Variants in P2RX5 observed in about 807,000 individuals in gnomAD.
P2RX5 encodes the protein purinergic receptor P2X 5, also known as P2X purinoceptor 5.
Under a neutral mutation model 54.1 loss-of-function variants are expected in P2RX5, and 46 were observed. That is an observed-to-expected ratio of 0.85 (90% CI 0.67 to 1.09). The LOEUF (loss-of-function observed/expected upper bound fraction) is 1.09, where lower values mean the gene tolerates loss of function less well. P2RX5 is among the 50% of genes least tolerant of loss of function. P2RX5 has a pLI of 0.00. For synonymous variants in P2RX5, 226 were observed against 226.4 expected (o/e 1.00, Z 0.02); for missense variants, 566 against 549.8 (o/e 1.03, Z -0.29).
rs543089239 is a variant in P2RX5, at chr17:3,676,266, A to T, written c.1260-2389T>A. 5 of 985,294 alleles carry T rather than the reference A, an allele frequency of 5.1e-6. No homozygotes were observed. In the African/African-American group the frequency reaches 8.7e-5, roughly 17 times the overall value. The allele number at this position is 985,294 out of a possible 1,614,324, so 61.0% of individuals were successfully genotyped here. On this transcript the variant is annotated intron_variant, in intron 11 of 11. Coordinates refer to ENST00000225328, the MANE Select transcript of P2RX5 (RefSeq NM_002561.4). ...CAAGCCCAACATCGAAACGTACTTC[A>T]TGTCCATTTTTGACAGGGGAGACTG...
the P2RX5 span, among the ~76,000 whole-genome samples, chr17:3,709,253 T>C: frequency 1.3e-5 from 2 of 152,148 alleles, no homozygotes; most frequent in Non-Finnish European, 2.9e-5. Context: ...AGATACACGT[T>C]AAACCAGGTC....
chr17:3,690,628 C>T lies in P2RX5; in HGVS notation c.413G>A (p.Gly138Glu). 6.2e-7 allele frequency: 1 copy of T among 1,613,586 alleles called. No individual in the cohort carries two copies. Reference protein sequence around the residue: ...ACSKDSDCHAGEAVTAGNGVK... With the variant: ...ACSKDSDCHAEEAVTAGNGVK... ...ACCGTTTCCAGCTGTAACCGCTTCC[C>T]CAGCGTGGCAGTCGCTGTCCTTGGA... The change falls in exon 4 of 12, where the codon GGG becomes GAG. Residue 138 changes from glycine to glutamate, a missense_variant. Gly to Glu is a moderately conservative substitution (Grantham distance 98). Coordinates refer to ENST00000225328, the MANE Select transcript of P2RX5 (RefSeq NM_002561.4).
chr17:3,712,829 G>C, the P2RX5 span, among the ~76,000 whole-genome samples: 1 of 152,102 alleles, frequency 6.6e-6, no homozygotes, highest in East Asian at 1.9e-4. Context: ...TGTAGTCCCA[G>C]CTACTCGGGA....
chr17:3,678,067 C>T, intron 11 of P2RX5: 1 of 985,394 alleles, frequency 1.0e-6, no homozygotes, highest in Non-Finnish European at 1.2e-6. Context: ...TGGTAGCCAG[C>T]AGCCCTGGCT....
At chr17:3,712,306 C>T in the P2RX5 span, among the ~76,000 whole-genome samples, 1 of 152,130 alleles carries the variant, frequency 6.6e-6, no homozygotes, top group Non-Finnish European at 1.5e-5. Flanking sequence ...GGAATCAGAT[C>T]AACAGGGAAG....
At chr17:3,700,532 CG>C (rs1233662624), upstream of P2RX5, among the ~76,000 whole-genome samples, 5 of 104,668 alleles carry the variant, frequency 4.8e-5, no homozygotes, top group Non-Finnish European at 1.1e-4. Flanking sequence ...GACTCTGGCT[CG>C]AAAAAAAAAA....
chr17:3,716,299 CAG>C, the P2RX5 span, among the ~76,000 whole-genome samples: 1 of 152,142 alleles, frequency 6.6e-6, no homozygotes, highest in African/African-American at 2.4e-5. Context: ...AAGATTTCAA[CAG>C]GGGAACAACA....
At chr17:3,698,480 G>C (rs1303347633), upstream of P2RX5, among the ~76,000 whole-genome samples, 1 of 152,180 alleles carries the variant, frequency 6.6e-6, no homozygotes, top group African/African-American at 2.4e-5. Flanking sequence ...CATTTTTCTG[G>C]GGTGATTAGG....
the P2RX5 span, among the ~76,000 whole-genome samples, chr17:3,722,689 G>A: frequency 5.3e-5 from 8 of 152,178 alleles, no homozygotes; most frequent in Admixed American, 5.2e-4. Flanking sequence ...GCGAGTACTA[G>A]GAGATGAAGT....
chr17:3,693,842 T>G (rs12948757), intron 1 of P2RX5, among the ~76,000 whole-genome samples: 54,414 of 151,244 alleles, frequency 0.36, 10,162 homozygotes, highest in Non-Finnish European at 0.41. Flanking sequence ...TTTTTTTTTT[T>G]TGAGACAGTC....
At chr17:3,706,861 C>T in the P2RX5 span, among the ~76,000 whole-genome samples, 28 of 152,128 alleles carry the variant, frequency 1.8e-4, no homozygotes, top group Non-Finnish European at 3.7e-4. Flanking sequence ...CCGCCCGCCT[C>T]GGCCTCCCAA....
At chr17:3,685,649 CGT>C in intron 9 of P2RX5, 1 of 42,714 alleles carries the variant, frequency 2.3e-5, no homozygotes, top group African/African-American at 3.6e-5. Flanking sequence ...ACCCTCCCAG[CGT>C]CCCCCTCCCA....
At chr17:3,714,861 C>T in the P2RX5 span, 9 of 1,604,630 alleles carry the variant, frequency 5.6e-6, no homozygotes, top group African/African-American at 2.7e-5. Flanking sequence ...TTCTCTTCTT[C>T]GAGCAGATTC....
upstream of P2RX5, among the ~76,000 whole-genome samples, chr17:3,699,879 AAGGAAGGAAGGAAGGAAGGAAGGAAGG>A (rs1165551790): frequency 7.7e-3 from 204 of 26,614 alleles, 5 homozygotes; most frequent in Non-Finnish European, 0.014. Context: ...GAAAGAAAGG[AAGGAAGGAAGGAAGGAAGGAAGGAAGG>A]AAGGAAGGAA....
chr17:3,681,298 T>C (rs1371238598), intron 10 of P2RX5, among the ~76,000 whole-genome samples: 1 of 152,086 alleles, frequency 6.6e-6, no homozygotes, highest in Non-Finnish European at 1.5e-5. Flanking sequence ...CCAATTCCCA[T>C]TCTGATCCCT....
At chr17:3,710,650 G>A in the P2RX5 span, among the ~76,000 whole-genome samples, 2 of 151,926 alleles carry the variant, frequency 1.3e-5, no homozygotes, top group African/African-American at 2.4e-5. Context: ...GCAGGAGGCC[G>A]GGCGTGGCAA....
the P2RX5 span, among the ~76,000 whole-genome samples, chr17:3,716,246 G>A: frequency 2.8e-5 from 4 of 144,044 alleles, no homozygotes; most frequent in Non-Finnish European, 1.6e-5. Flanking sequence ...ATCTTAAATA[G>A]CAGTAGAAGA....
the P2RX5 span, among the ~76,000 whole-genome samples, chr17:3,721,374 C>T: frequency 2.2e-5 from 3 of 133,486 alleles, no homozygotes; most frequent in South Asian, 2.6e-4. Flanking sequence ...TGGGCTCAAA[C>T]GATACTCCTG....
intron 1 of P2RX5, among the ~76,000 whole-genome samples, chr17:3,695,398 C>A (rs976861518): frequency 6.6e-6 from 1 of 152,108 alleles, no homozygotes; most frequent in Non-Finnish European, 1.5e-5. Context: ...AGGAACATGC[C>A]GGGCTGATGA....
Sources: gnomAD v4.1 joint callset for allele counts (sites outside exome capture counted in the v4.1 genomes callset) on GRCh38, gnomAD v4.1.1 for gene constraint, MANE v1.5 for transcripts, NCBI Gene and HGNC (gene_info 2026-07-23, HGNC 2026-07-21) for gene names.